The following NCOR1 variants were observed in gnomAD, a reference collection of about 807,000 sequenced individuals.
NCOR1 encodes the protein protein phosphatase 1, regulatory subunit 109.
A neutral mutation model predicts 288.1 loss-of-function variants in NCOR1; 63 were observed. The ratio of observed to expected loss-of-function variants is 0.22; its 90% CI spans 0.18 to 0.27. The LOEUF (loss-of-function observed/expected upper bound fraction) is 0.27. Ranked by LOEUF, NCOR1 falls within the 10% of genes least tolerant of loss-of-function variation. NCOR1 has a pLI of 1.00. For missense variants in NCOR1, 2,397 were observed against 3,019.2 expected (o/e 0.79, Z 4.83); for synonymous variants, 1,007 against 1,065.9 (o/e 0.94, Z 1.08).
At chr17:16,214,175 G>A (rs2092371686) in intron 1 of NCOR1, among the ~76,000 whole-genome samples, 1 of 152,100 alleles carries the variant, frequency 6.6e-6, no homozygotes, top group African/African-American at 2.4e-5. Context: ...TCCTGAGCCC[G>A]GGCAAGTACA....
chr17:16,136,806 C>CAAAAAAAAAA (rs60523446), intron 14 of NCOR1, among the ~76,000 whole-genome samples: 1 of 111,812 alleles, frequency 8.9e-6, no homozygotes, highest in African/African-American at 3.7e-5. Flanking sequence ...GACTCTGTTT[C>CAAAAAAAAAA]AAAAAAAAAA....
In NCOR1 at chr17:16,029,556, T is replaced by G. The variant is rs1010668679; in HGVS notation, c.*2740A>C. The G allele has an allele frequency of 4.3e-5, 9 of 209,670 alleles. No individual in the cohort carries two copies. The highest frequency in any genetic ancestry group is 7.1e-5 in the African/African-American group (3 of 42,458). 13.0% of individuals were successfully genotyped at this position (209,670 alleles called of 1,614,324 possible). On this transcript the variant is annotated 3_prime_UTR_variant, in exon 46 of 46. Coordinates refer to ENST00000268712, the MANE Select transcript of NCOR1 (RefSeq NM_006311.4). ...TTTATGAAGAGTATTAGGAAGACCT[T>G]AATTTAGTTCTGGGTGCTAAAAAAA...
intron 4 of NCOR1, among the ~76,000 whole-genome samples, chr17:16,167,209 T>G (rs1014136909): frequency 6.6e-6 from 1 of 152,214 alleles, no homozygotes; most frequent in Non-Finnish European, 1.5e-5. Context: ...ACTGACTTCC[T>G]TTCTAAATAT....
intron 1 of NCOR1, among the ~76,000 whole-genome samples, chr17:16,196,171 T>C (rs1439831956): frequency 1.3e-5 from 2 of 149,798 alleles, no homozygotes; most frequent in Non-Finnish European, 3.0e-5. Flanking sequence ...TTTATATATA[T>C]AAAATCTCCA....
intron 2 of NCOR1, among the ~76,000 whole-genome samples, chr17:16,193,424 G>C (rs140343984): frequency 0.049 from 7,505 of 151,926 alleles, 223 homozygotes; most frequent in African/African-American, 0.093. Flanking sequence ...GTAGAGATGG[G>C]GTTTCACCAT....
intron 18 of NCOR1, among the ~76,000 whole-genome samples, chr17:16,111,925 A>C (rs2070310994): frequency 6.6e-6 from 1 of 152,156 alleles, no homozygotes; most frequent in Non-Finnish European, 1.5e-5. Context: ...GCTGGAGTGC[A>C]GTGGCGCCAT....
At chr17:16,071,038 TG>T (rs1567829462) in intron 30 of NCOR1, among the ~76,000 whole-genome samples, 1 of 152,030 alleles carries the variant, frequency 6.6e-6, no homozygotes, top group Admixed American at 6.5e-5. Flanking sequence ...CCCAGCACTT[TG>T]GGATGCTGAG....
chr17:16,127,664 T>C (rs1323105532), intron 14 of NCOR1, among the ~76,000 whole-genome samples: 1 of 146,038 alleles, frequency 6.8e-6, no homozygotes, highest in African/African-American at 2.6e-5. Flanking sequence ...TATATACATA[T>C]ATGTATATAT....
chr17:16,050,414 G>C (rs2059171899), intron 40 of NCOR1, among the ~76,000 whole-genome samples: 1 of 151,906 alleles, frequency 6.6e-6, no homozygotes, highest in South Asian at 2.1e-4. Context: ...TTAGAGACGG[G>C]GATTCACCAT....
rs1226808880 is a variant in NCOR1, at chr17:16,029,598, A to C, written c.*2698T>G. 1 of 193,366 alleles carries C rather than the reference A, an allele frequency of 5.2e-6. No individual in the cohort carries two copies. The highest frequency in any genetic ancestry group is 1.4e-4 in the East Asian group (1 of 7,280). 12.0% of individuals were successfully genotyped at this position (193,366 alleles called of 1,614,324 possible). A position where few individuals can be genotyped will look rare whatever the true frequency, so the allele number is the denominator to read the frequency against. ...CTAAAAAAATCACGTGTAAGGATAT[A>C]GTGTCAGAACACTGAAATCTAAGTC... On this transcript the variant is annotated 3_prime_UTR_variant, in exon 46 of 46. Coordinates refer to ENST00000268712, the MANE Select transcript of NCOR1 (RefSeq NM_006311.4).
At chr17:16,138,294 CTATG>C in intron 12 of NCOR1, 82 bp from the exon 13 acceptor site, 3 of 1,248,756 alleles carry the variant, frequency 2.4e-6, no homozygotes, top group East Asian at 2.5e-5. Context: ...AAAAGAAAGA[CTATG>C]TATAGGCTGG....
chr17:16,202,222 T>C lies in NCOR1; in HGVS notation c.-70-7583A>G, dbSNP rs545676255. On this transcript the variant is annotated intron_variant, in intron 1 of 45. Transcript: ENST00000268712. Reference sequence around the variant, plus strand: ...CTGGGCAAAAGGGCGAGACTCCATCTCAAAAAAAAAAAAAAAAAAATACAA... The same window carrying C: ...CTGGGCAAAAGGGCGAGACTCCATCCCAAAAAAAAAAAAAAAAAAATACAA... 6.1e-5 allele frequency among the ~76,000 whole-genome samples: 4 copies of C among 65,458 alleles called. No individual in the cohort carries two copies. In the South Asian group the frequency reaches 1.2e-3, roughly 20 times the overall value. The allele number at this position is 65,458 out of a possible 152,430, so 42.9% of individuals were successfully genotyped here.
chr17:16,183,892 T>C (rs2086057398), intron 3 of NCOR1, among the ~76,000 whole-genome samples: 1 of 152,028 alleles, frequency 6.6e-6, no homozygotes, highest in Non-Finnish European at 1.5e-5. Context: ...ATAGACACAC[T>C]GATCAGTAGA....
chr17:16,101,377 G>T lies in NCOR1; in HGVS notation c.2563C>A (p.Pro855Thr). The T allele has an allele frequency of 6.2e-7, 1 of 1,614,170 alleles. No individual in the cohort carries two copies. Among genetic ancestry groups the T allele is most frequent in the Non-Finnish European group, 8.5e-7 (1 of 1,180,038 alleles). ...GCTACCACCAAATCTTCATCTCTAG[G>T]TTCCACCTTCTCACTGGCTCTATCC... Reference protein sequence around the residue: ...DLDRASEKVEPRDEDLVVAQQ... With the variant: ...DLDRASEKVETRDEDLVVAQQ... The change falls in exon 20 of 46, where the codon CCT becomes ACT. Residue 855 changes from proline (P) to threonine (T), a missense_variant. This residue lies in a region of NCOR1 where 1,872 missense variants were observed against 2,187.8 expected (regional missense o/e 0.86). Transcript: ENST00000268712.
chr17:16,065,023 T>C lies in NCOR1; in HGVS notation c.4952-4A>G. The C allele has an allele frequency of 1.2e-6, 2 of 1,612,252 alleles. No homozygotes were observed. Among genetic ancestry groups the C allele is most frequent in the Non-Finnish European group, 1.7e-6 (2 of 1,179,062 alleles). On this transcript the variant is annotated splice_polypyrimidine_tract_variant and splice_region_variant and intron_variant, in intron 33 of 45. Transcript: ENST00000268712. ...ATATTGGTCAGGTCAATGATTCCTATCCAAAAGACAATACAATTTATGTTA... is the reference window on the plus strand; with the variant it reads ...ATATTGGTCAGGTCAATGATTCCTACCCAAAAGACAATACAATTTATGTTA...
At chr17:16,065,067 C>A in intron 33 of NCOR1, 48 bp from the exon 34 acceptor site, 1 of 1,551,366 alleles carries the variant, frequency 6.4e-7, no homozygotes, top group Non-Finnish European at 8.8e-7. Flanking sequence ...TCTAAAGGTA[C>A]AGAACCATAC....
rs763274075 is a variant in NCOR1, at chr17:16,086,378, A to G, written c.3081T>C (p.Thr1027=). 1.2e-6 allele frequency: 2 copies of G among 1,614,088 alleles called. No individual in the cohort carries two copies. The highest frequency in any genetic ancestry group is 1.7e-5 in the Admixed American group (1 of 60,018). The change falls in exon 23 of 46, where the codon ACT becomes ACC. Residue 1027 remains threonine, a synonymous_variant. Transcript: ENST00000268712. The part of the protein sequence containing the change: ...NLPEGVRLPT[T]RPTRPPPPLI... The stretch of plus-strand genomic sequence containing the variant: ...GAGGGGGCGGTGGCCTGGTTGGTCG[A>G]GTTGTCGGAAGCCGAACGCCTTCAG...
chr17:16,046,563 G>C (rs758740509), intron 42 of NCOR1, among the ~76,000 whole-genome samples: 1 of 152,192 alleles, frequency 6.6e-6, no homozygotes, highest in African/African-American at 2.4e-5. Context: ...GACACTGATT[G>C]AGAGGACTCC....
chr17:16,032,879 C>G (rs1242599861), intron 45 of NCOR1, among the ~76,000 whole-genome samples: 1 of 152,140 alleles, frequency 6.6e-6, no homozygotes, highest in Non-Finnish European at 1.5e-5. Flanking sequence ...TGGACAAGTA[C>G]CCAGGAACGT....
Sources: gnomAD v4.1 joint callset for allele counts (sites outside exome capture counted in the v4.1 genomes callset) on GRCh38, gnomAD v4.1.1 for gene constraint, gnomAD v4.1.1 regional missense constraint, MANE v1.5 for transcripts, NCBI Gene and HGNC (gene_info 2026-07-23, HGNC 2026-07-21) for gene names.